The following RPS6KC1 variants were observed in gnomAD, a reference collection of about 807,000 sequenced individuals.
RPS6KC1 encodes the protein ribosomal protein S6 kinase C1, also known as inactive ribosomal protein S6 kinase delta-1.
In RPS6KC1, 54 loss-of-function variants were observed where a neutral mutation model predicts 103.8. The observed-to-expected ratio is 0.52, with a 90% CI of 0.42 to 0.65. The LOEUF (loss-of-function observed/expected upper bound fraction) is 0.65, where lower values mean the gene tolerates loss of function less well. RPS6KC1 is among the 30% of genes least tolerant of loss of function. RPS6KC1 has a pLI of 0.00. For missense variants in RPS6KC1, 1,151 were observed against 1,253.8 expected, an observed-to-expected ratio of 0.92 and a Z score of 1.24; for synonymous variants, 439 against 438.7, an observed-to-expected ratio of 1.00 and a Z score of -0.01.
chr1:213,516,747 G>A, the RPS6KC1 span, among the ~76,000 whole-genome samples: 1 of 152,196 alleles, frequency 6.6e-6, no homozygotes. Context: ...CTCATAAAAT[G>A]AGTTAGGGAG....
At chr1:213,525,450 T>C in the RPS6KC1 span, among the ~76,000 whole-genome samples, 3 of 152,078 alleles carry the variant, frequency 2.0e-5, no homozygotes, top group East Asian at 1.9e-4. Flanking sequence ...ATCAAGTAGG[T>C]GGCTGTATGT....
chr1:213,662,113 C>T, the RPS6KC1 span, among the ~76,000 whole-genome samples: 5 of 151,892 alleles, frequency 3.3e-5, no homozygotes, highest in Non-Finnish European at 5.9e-5. Flanking sequence ...TTTTTATGAC[C>T]CCCACTCCCC....
the RPS6KC1 span, among the ~76,000 whole-genome samples, chr1:213,585,535 C>T: frequency 6.6e-6 from 1 of 152,174 alleles, no homozygotes. Flanking sequence ...CAACTCCTGC[C>T]CAGTCTGAAG....
the RPS6KC1 span, among the ~76,000 whole-genome samples, chr1:213,630,445 C>G: frequency 2.0e-5 from 3 of 152,182 alleles, no homozygotes; most frequent in Non-Finnish European, 4.4e-5. Context: ...CCTTTAAGGA[C>G]TTCTCTGCAT....
At chr1:213,175,898 A>G (rs963212464) in intron 7 of RPS6KC1, among the ~76,000 whole-genome samples, 1 of 152,232 alleles carries the variant, frequency 6.6e-6, no homozygotes, top group Admixed American at 6.5e-5. Context: ...AACACATAAT[A>G]CATAAAGTAA....
Position 213,155,001 on chromosome 1 carries a change from T to C in RPS6KC1, c.836-12857T>C, listed in dbSNP as rs142733940. ...TGCTGCCAGCACGAAGTCCTTTCTTTCAAGGCAGCAGGTTCCCTTCTGGCT... is the reference window on the plus strand; with the variant it reads ...TGCTGCCAGCACGAAGTCCTTTCTTCCAAGGCAGCAGGTTCCCTTCTGGCT... On this transcript the variant is annotated intron_variant, in intron 6 of 14. Coordinates refer to ENST00000366960, the MANE Select transcript of RPS6KC1 (RefSeq NM_012424.6). Among the ~76,000 whole-genome samples, 371 of 152,332 alleles carry C rather than the reference T, an allele frequency of 2.4e-3. 2 individuals are homozygous for C. Among genetic ancestry groups the C allele is most frequent in the Non-Finnish European group, 4.4e-3 (296 of 68,018 alleles).
the RPS6KC1 span, among the ~76,000 whole-genome samples, chr1:213,570,125 C>T: frequency 4.6e-5 from 7 of 152,146 alleles, no homozygotes; most frequent in Non-Finnish European, 1.0e-4. Flanking sequence ...CTAGTTATGA[C>T]GCAGACCTGG....
chr1:213,296,587 T>A, the RPS6KC1 span, among the ~76,000 whole-genome samples: 1 of 152,146 alleles, frequency 6.6e-6, no homozygotes, highest in South Asian at 2.1e-4. Flanking sequence ...GCATAAACCT[T>A]TGTTCTGAAT....
chr1:213,132,487 A>G (rs1274852342), intron 6 of RPS6KC1, among the ~76,000 whole-genome samples: 1 of 152,218 alleles, frequency 6.6e-6, no homozygotes, highest in African/African-American at 2.4e-5. Context: ...AGATCAGGAC[A>G]GTGCTTCCAG....
intron 8 of RPS6KC1, among the ~76,000 whole-genome samples, chr1:213,210,469 A>C (rs765993157): frequency 6.6e-6 from 1 of 152,232 alleles, no homozygotes; most frequent in Non-Finnish European, 1.5e-5. Flanking sequence ...AAACCGTCCA[A>C]ACATTCCTGC....
the RPS6KC1 span, among the ~76,000 whole-genome samples, chr1:213,516,290 G>A: frequency 6.6e-6 from 1 of 152,184 alleles, no homozygotes; most frequent in African/African-American, 2.4e-5. Flanking sequence ...GTGAGAGAGG[G>A]CATCCCTGTC....
At chr1:213,640,860 T>A in the RPS6KC1 span, among the ~76,000 whole-genome samples, 13 of 150,214 alleles carry the variant, frequency 8.7e-5, no homozygotes, top group Admixed American at 7.9e-4. Context: ...TATATTCTAC[T>A]GGTTTTTATT....
intron 8 of RPS6KC1, among the ~76,000 whole-genome samples, chr1:213,218,235 CGGAG>C (rs1558562545): frequency 6.6e-6 from 1 of 151,978 alleles, no homozygotes; most frequent in African/African-American, 2.4e-5. Context: ...CAATAACAGA[CGGAG>C]AGCCAAATCA....
chr1:213,675,459 G>T, the RPS6KC1 span, among the ~76,000 whole-genome samples: 1 of 152,220 alleles, frequency 6.6e-6, no homozygotes, highest in South Asian at 2.1e-4. Context: ...ATGGCAAAAG[G>T]TAGGGGTCCA....
chr1:213,295,826 C>G, the RPS6KC1 span, among the ~76,000 whole-genome samples: 65,556 of 151,944 alleles, frequency 0.43, 15,340 homozygotes, highest in African/African-American at 0.62. Flanking sequence ...GAAGGAGGAA[C>G]AGCAGAGCAA....
chr1:213,132,576 G>A (rs1314536772), intron 6 of RPS6KC1, among the ~76,000 whole-genome samples: 3 of 152,130 alleles, frequency 2.0e-5, no homozygotes, highest in Non-Finnish European at 4.4e-5. Context: ...GGGGAAACTG[G>A]GGGCTCTAGT....
intron 6 of RPS6KC1, among the ~76,000 whole-genome samples, chr1:213,162,227 A>C (rs2090543162): frequency 6.6e-6 from 1 of 152,182 alleles, no homozygotes; most frequent in African/African-American, 2.4e-5. Flanking sequence ...TTATTTGGAC[A>C]AGAGTTTGGA....
chr1:213,078,064 A>G (rs1230488509), intron 3 of RPS6KC1, among the ~76,000 whole-genome samples: 7 of 152,132 alleles, frequency 4.6e-5, no homozygotes, highest in Admixed American at 2.0e-4. Flanking sequence ...AAAACCCTGT[A>G]GGAACATAAG....
the RPS6KC1 span, among the ~76,000 whole-genome samples, chr1:213,591,536 G>A: frequency 6.6e-5 from 10 of 152,324 alleles, no homozygotes; most frequent in African/African-American, 2.4e-4. Flanking sequence ...TGGCACTGCA[G>A]CCTTGTGCCA....
Sources: gnomAD v4.1 joint callset for allele counts (sites outside exome capture counted in the v4.1 genomes callset) on GRCh38, gnomAD v4.1.1 for gene constraint, MANE v1.5 for transcripts, NCBI Gene and HGNC (gene_info 2026-07-23, HGNC 2026-07-21) for gene names.